The following PLA2G12A variants were observed in gnomAD, a reference collection of about 807,000 sequenced individuals.
PLA2G12A encodes the protein group XIIA secretory phospholipase A2.
Under a neutral mutation model 16.0 loss-of-function variants are expected in PLA2G12A, and 11 were observed. The ratio of observed to expected loss-of-function variants is 0.69; its 90% CI spans 0.43 to 1.13. PLA2G12A has a LOEUF of 1.13. PLA2G12A is among the 50% of genes most tolerant of loss of function. The pLI is 0.00. For missense variants in PLA2G12A, 214 were observed against 237.3 expected (o/e 0.90, Z 0.65); for synonymous variants, 77 against 93.8 (o/e 0.82, Z 1.03).
chr4:109,729,536 C>A, intron 1 of PLA2G12A, 66 bp downstream of exon 1: 3 of 1,523,882 alleles, frequency 2.0e-6, no homozygotes, highest in Non-Finnish European at 2.7e-6. Context: ...ACTCACACCT[C>A]CAGGATCTCC....
At chr4:109,726,189 T>C (rs1375185975) in intron 1 of PLA2G12A, among the ~76,000 whole-genome samples, 1 of 152,204 alleles carries the variant, frequency 6.6e-6, no homozygotes, top group Non-Finnish European at 1.5e-5. Flanking sequence ...CCCTCTCACT[T>C]ACCCAAGGCT....
chr4:109,730,028 ACCAGCGCGCCCGCTCAC>A lies in PLA2G12A; in HGVS notation c.-236_-220del, dbSNP rs1723025420. 2.1e-6 allele frequency: 1 copy of A among 476,610 alleles called. No individual in the cohort carries two copies. Among genetic ancestry groups the A allele is most frequent in the Non-Finnish European group, 3.7e-6 (1 of 273,744 alleles). The allele number at this position is 476,610 out of a possible 1,614,324, so 29.5% of individuals were successfully genotyped here. On this transcript the variant is annotated 5_prime_UTR_variant, in exon 1 of 4. Coordinates refer to ENST00000243501, the MANE Select transcript of PLA2G12A (RefSeq NM_030821.5). ...CGCGGGGACGCGCCCGCTCACCTGG[ACCAGCGCGCCCGCTCAC>A]CTGGGCCAGCAACCGTCCCCTGTGC...
chr4:109,728,389 C>G (rs1325276529), intron 1 of PLA2G12A, among the ~76,000 whole-genome samples: 1 of 152,186 alleles, frequency 6.6e-6, no homozygotes, highest in African/African-American at 2.4e-5. Flanking sequence ...ATAGGAATGA[C>G]TAAGTAAAAC....
intron 1 of PLA2G12A, among the ~76,000 whole-genome samples, chr4:109,722,103 G>A (rs568868501): frequency 7.9e-5 from 12 of 152,200 alleles, no homozygotes; most frequent in African/African-American, 2.9e-4. Context: ...CGCTTTAATG[G>A]CTTCTCATCT....
intron 1 of PLA2G12A, among the ~76,000 whole-genome samples, chr4:109,727,854 T>A (rs1722972222): frequency 6.6e-6 from 1 of 152,176 alleles, no homozygotes; most frequent in African/African-American, 2.4e-5. Flanking sequence ...TTAACAAGGC[T>A]GGTATTCATT....
At position 109,714,167 on chromosome 4, in the gene PLA2G12A, G is replaced by A. The variant is rs1579121860; in HGVS notation, c.*210C>T. ...ATACTAAGTAAGGGAGCAATGCTGG[G>A]GAAGATACCTGAGAAGACAAGCGTG... On this transcript the variant is annotated 3_prime_UTR_variant, in exon 4 of 4. Transcript: ENST00000243501. The A allele has an allele frequency of 1.8e-6, 1 of 550,976 alleles. No individual in the cohort carries two copies. The highest frequency in any genetic ancestry group is 2.9e-5 in the East Asian group (1 of 34,164). 34.1% of individuals were successfully genotyped at this position (550,976 alleles called of 1,614,324 possible).
At chr4:109,720,993 C>T (rs1311133516) in intron 1 of PLA2G12A, among the ~76,000 whole-genome samples, 1 of 152,134 alleles carries the variant, frequency 6.6e-6, no homozygotes, top group African/African-American at 2.4e-5. Context: ...ATCGCTTGAA[C>T]CTAGGAGGCG....
Position 109,713,694 on chromosome 4 carries a change from G to A in PLA2G12A, c.*683C>T, listed in dbSNP as rs1730774725. On this transcript the variant is annotated 3_prime_UTR_variant, in exon 4 of 4. Transcript: ENST00000243501. ...GAATCGCATTCACATCACCTTCTAG[G>A]CATATTACATAACACTTAGCTATCC... 6.6e-6 allele frequency: 1 copy of A among 152,120 alleles called. No individual in the cohort carries two copies. Among genetic ancestry groups the A allele is most frequent in the South Asian group, 2.1e-4 (1 of 4,828 alleles). The allele number at this position is 152,120 out of a possible 1,614,324, so 9.4% of individuals were successfully genotyped here.
rs1293104745 is a variant in PLA2G12A at position 109,714,254 on chromosome 4, T to A, written c.*123A>T. The A allele has an allele frequency of 6.5e-6, 5 of 763,554 alleles. No homozygotes were observed. The highest frequency in any genetic ancestry group is 8.8e-6 in the Non-Finnish European group (4 of 452,516). 47.3% of individuals were successfully genotyped at this position (763,554 alleles called of 1,614,324 possible). A position where few individuals can be genotyped will look rare whatever the true frequency, so the allele number is the denominator to read the frequency against. Reference sequence around the variant, plus strand: ...GAGGTTTTAACATCAAGATATAAATTATTTTAAGGTCTCAAAATAATCCTT... The same window carrying A: ...GAGGTTTTAACATCAAGATATAAATAATTTTAAGGTCTCAAAATAATCCTT... On this transcript the variant is annotated 3_prime_UTR_variant, in exon 4 of 4. Coordinates refer to ENST00000243501, the MANE Select transcript of PLA2G12A (RefSeq NM_030821.5).
At chr4:109,724,414 GC>G (rs933565318) in intron 1 of PLA2G12A, among the ~76,000 whole-genome samples, 4 of 151,924 alleles carry the variant, frequency 2.6e-5, no homozygotes, top group African/African-American at 9.7e-5. Flanking sequence ...GAGCCATCGC[GC>G]CCGGCCTTTT....
chr4:109,729,225 T>C (rs537672794), intron 1 of PLA2G12A, among the ~76,000 whole-genome samples: 1 of 152,350 alleles, frequency 6.6e-6, no homozygotes, highest in Admixed American at 6.5e-5. Context: ...CTTCGCATGT[T>C]CATCCAATTT....
chr4:109,717,492 C>A, intron 3 of PLA2G12A, 56 bp downstream of exon 3: 1 of 1,509,192 alleles, frequency 6.6e-7, no homozygotes, highest in Non-Finnish European at 9.1e-7. Context: ...AAACATAGAG[C>A]ATTTGATACA....
In PLA2G12A at chr4:109,712,317, G is replaced by A. The variant is rs1730747549; in HGVS notation, c.*2060C>T. On this transcript the variant is annotated 3_prime_UTR_variant, in exon 4 of 4. Transcript: ENST00000243501. ...TTCTGTAAATCTAAAATTATCCCAA[G>A]TTTTTTTTTTTAATCTGAACATAAA... is the stretch of plus-strand genomic sequence containing the variant. 1 of 146,596 alleles carries A rather than the reference G, an allele frequency of 6.8e-6. No homozygotes were observed. The highest frequency in any genetic ancestry group is 2.5e-5 in the African/African-American group (1 of 40,074). 9.1% of individuals were successfully genotyped at this position (146,596 alleles called of 1,614,324 possible). A position where few individuals can be genotyped will look rare whatever the true frequency, so the allele number is the denominator to read the frequency against.
In PLA2G12A at chr4:109,710,097, A is replaced by T. The variant is rs528372273; in HGVS notation, c.*4280T>A. On this transcript the variant is annotated 3_prime_UTR_variant, in exon 4 of 4. Transcript: ENST00000243501. The stretch of plus-strand genomic sequence containing the variant: ...ATGGCTGGTTTTTGTAGGATTAAGC[A>T]GTGAGGAAAAACAGCAAACTAAAAA... 10 of 152,334 alleles carry T rather than the reference A, an allele frequency of 6.6e-5. No homozygotes were observed. The South Asian group carries it at 2.1e-3, about 32-fold the overall frequency. The allele number at this position is 152,334 out of a possible 1,614,324, so 9.4% of individuals were successfully genotyped here. A position where few individuals can be genotyped will look rare whatever the true frequency, so the allele number is the denominator to read the frequency against.
intron 1 of PLA2G12A, among the ~76,000 whole-genome samples, chr4:109,722,952 T>A (rs1330333830): frequency 6.6e-6 from 1 of 152,198 alleles, no homozygotes; most frequent in East Asian, 1.9e-4. Flanking sequence ...CTTGGAATAT[T>A]CATTATAAAT....
intron 1 of PLA2G12A, among the ~76,000 whole-genome samples, chr4:109,719,476 G>A (rs749960141): frequency 1.3e-5 from 2 of 152,124 alleles, no homozygotes; most frequent in African/African-American, 2.4e-5. Flanking sequence ...AGAAGACTTG[G>A]AAGGCTAATG....
rs867634622 is a variant in PLA2G12A at position 109,713,155 on chromosome 4, A to G, written c.*1222T>C. ...ATAACTTTGGCCATGGGTCACCCAAAGGATATATATGGCTTGAGGTCCCAG... is the reference window on the plus strand; with the variant it reads ...ATAACTTTGGCCATGGGTCACCCAAGGGATATATATGGCTTGAGGTCCCAG... On this transcript the variant is annotated 3_prime_UTR_variant, in exon 4 of 4. Transcript: ENST00000243501. 4 of 152,202 alleles carry G rather than the reference A, an allele frequency of 2.6e-5. No homozygotes were observed. Among genetic ancestry groups the G allele is most frequent in the Non-Finnish European group, 2.9e-5 (2 of 68,042 alleles). 9.4% of individuals were successfully genotyped at this position (152,202 alleles called of 1,614,324 possible). A position where few individuals can be genotyped will look rare whatever the true frequency, so the allele number is the denominator to read the frequency against.
At chr4:109,720,605 ATATATATATATATATATATAT>A (rs1311222215) in intron 1 of PLA2G12A, among the ~76,000 whole-genome samples, 3 of 10,014 alleles carry the variant, frequency 3.0e-4, no homozygotes, top group Admixed American at 1.9e-3. Flanking sequence ...AAAAAAAAAA[ATATATATATATATATATATAT>A]ATATATATAT....
chr4:109,727,043 C>T (rs2126168989), intron 1 of PLA2G12A, among the ~76,000 whole-genome samples: 1 of 151,876 alleles, frequency 6.6e-6, no homozygotes, highest in African/African-American at 2.4e-5. Context: ...GATTTGGTCA[C>T]CTGAATTCCA....
Sources: gnomAD v4.1 joint callset for allele counts (sites outside exome capture counted in the v4.1 genomes callset) on GRCh38, gnomAD v4.1.1 for gene constraint, MANE v1.5 for transcripts, NCBI Gene and HGNC (gene_info 2026-07-23, HGNC 2026-07-21) for gene names.